The following DNAH14 variants were observed in gnomAD, a reference collection of about 807,000 sequenced individuals.
The protein encoded by DNAH14 is dynein axonemal heavy chain 14.
In DNAH14, 478 loss-of-function variants were observed where a neutral mutation model predicts 520.9. The ratio of observed to expected loss-of-function variants is 0.92; its 90% CI spans 0.85 to 0.99. The LOEUF is 0.99. Ranked by LOEUF, DNAH14 falls within the 50% of genes least tolerant of loss-of-function variation. The pLI is 0.00. For missense variants in DNAH14, 4,831 were observed against 5,234.5 expected (o/e 0.92, Z 2.38); for synonymous variants, 1,581 against 1,757.2 (o/e 0.90, Z 2.51).
chr1:225,111,515 G>A (rs991974557), intron 23 of DNAH14, among the ~76,000 whole-genome samples: 4 of 151,746 alleles, frequency 2.6e-5, no homozygotes, highest in African/African-American at 7.3e-5. Flanking sequence ...TTCAGTCTAT[G>A]TGTGCCTTTA....
intron 27 of DNAH14, among the ~76,000 whole-genome samples, chr1:225,127,479 C>T (rs1201391180): frequency 4.6e-5 from 7 of 151,576 alleles, no homozygotes; most frequent in Non-Finnish European, 8.8e-5. Context: ...TCTTTGTCTC[C>T]TTTGATCTTT....
chr1:225,184,675 G>A (rs543979897), intron 36 of DNAH14, among the ~76,000 whole-genome samples: 2 of 151,224 alleles, frequency 1.3e-5, no homozygotes, highest in South Asian at 2.1e-4. Flanking sequence ...TGCAGAAAAA[G>A]CATTTTATAA....
Position 225,277,407 on chromosome 1 carries a change from T to C in DNAH14, c.8179-3T>C, listed in dbSNP as rs1200379501. On this transcript the variant is annotated splice_polypyrimidine_tract_variant and splice_region_variant and intron_variant, in intron 53 of 85. Coordinates refer to ENST00000682510, the MANE Select transcript of DNAH14 (RefSeq NM_001367479.1). ...CATTTATTTGTCACATTTGATCTGC[T>C]AGCTTTCTCATTCCATGGTGTTCTT... The C allele has an allele frequency of 1.1e-5, 5 of 468,448 alleles. No individual in the cohort carries two copies. The Admixed American group carries it at 1.2e-4, about 11-fold the overall frequency. 29.0% of individuals were successfully genotyped at this position (468,448 alleles called of 1,614,324 possible).
At position 225,300,955 on chromosome 1, in the gene DNAH14, A is replaced by G. The variant is rs1406039324; in HGVS notation, c.8556A>G (p.Ala2852=). The G allele has an allele frequency of 6.4e-7, 1 of 1,551,444 alleles. No homozygotes were observed. The highest frequency in any genetic ancestry group is 2.0e-5 in the Admixed American group (1 of 51,004). The change falls in exon 56 of 86, where the codon GCA becomes GCG. Residue 2852 remains alanine (A), a synonymous_variant. Transcript: ENST00000682510. The part of the protein sequence containing the change: ...LFENVELDSI[A]MKIRYLTEQS... ...AAAATGTTGAGCTGGATTCTATTGC[A>G]ATGAAAATCAGATATCTTACTGAAC...
chr1:225,248,348 T>C (rs2092396893), intron 43 of DNAH14, among the ~76,000 whole-genome samples: 1 of 152,146 alleles, frequency 6.6e-6, no homozygotes. Flanking sequence ...GATTATAAAG[T>C]AACTTTTTAT....
intron 51 of DNAH14, 111 bp downstream of exon 51, chr1:225,272,184 A>G: frequency 9.0e-7 from 1 of 1,106,246 alleles, no homozygotes. Flanking sequence ...AATGTTGGTT[A>G]GTTTTGCTAT....
At chr1:225,292,241 A>G (rs1001638524) in intron 55 of DNAH14, among the ~76,000 whole-genome samples, 4 of 152,078 alleles carry the variant, frequency 2.6e-5, no homozygotes, top group Admixed American at 6.6e-5. Flanking sequence ...CAGGTCTTAC[A>G]TTTAGCTCTT....
chr1:225,335,963 A>G (rs147361394), intron 66 of DNAH14, among the ~76,000 whole-genome samples: 35 of 144,134 alleles, frequency 2.4e-4, no homozygotes, highest in African/African-American at 7.8e-4. Flanking sequence ...ATACACATAT[A>G]CATATATGTA....
intron 11 of DNAH14, among the ~76,000 whole-genome samples, chr1:225,031,808 A>C (rs903068280): frequency 7.2e-5 from 11 of 152,026 alleles, no homozygotes; most frequent in African/African-American, 2.7e-4. Context: ...TATTGTTTTG[A>C]ATGGTCAATA....
At chr1:225,294,584 G>A (rs1416375572) in intron 55 of DNAH14, among the ~76,000 whole-genome samples, 1 of 152,106 alleles carries the variant, frequency 6.6e-6, no homozygotes, top group Admixed American at 6.6e-5. Flanking sequence ...ACTTTGGGAG[G>A]CCAAGGCAGG....
intron 11 of DNAH14, among the ~76,000 whole-genome samples, chr1:225,027,939 A>G (rs952605514): frequency 1.3e-5 from 2 of 152,122 alleles, no homozygotes; most frequent in Admixed American, 1.3e-4. Flanking sequence ...CATTACATAC[A>G]TACATTTTCA....
rs555229614 is a variant in DNAH14 at position 225,194,476 on chromosome 1, A to C, written c.5886+1565A>C. Reference sequence around the variant, plus strand: ...ACATGATGTTGGGATACCTGGCTAGATGTATGCAGAAGATTGAAACTGGAC... The same window carrying C: ...ACATGATGTTGGGATACCTGGCTAGCTGTATGCAGAAGATTGAAACTGGAC... On this transcript the variant is annotated intron_variant, in intron 38 of 85. Transcript: ENST00000682510. Among the ~76,000 whole-genome samples, 66 of 152,234 alleles carry C rather than the reference A, an allele frequency of 4.3e-4. 2 individuals are homozygous for C. Among genetic ancestry groups the C allele is most frequent in the Middle Eastern group, 6.8e-3 (2 of 294 alleles).
chr1:225,189,695 C>T (rs2085170694), intron 37 of DNAH14, among the ~76,000 whole-genome samples: 1 of 151,910 alleles, frequency 6.6e-6, no homozygotes, highest in Non-Finnish European at 1.5e-5. Context: ...GGTCTAAAGT[C>T]AGTCTCTTGT....
chr1:225,025,312 A>G (rs2066016322), intron 11 of DNAH14, among the ~76,000 whole-genome samples: 1 of 143,032 alleles, frequency 7.0e-6, no homozygotes, highest in Admixed American at 7.4e-5. Context: ...AGCCTGGTCA[A>G]CAGAGTGAGA....
Position 225,144,383 on chromosome 1 carries a change from A to T in DNAH14, c.4509-14A>T. On this transcript the variant is annotated splice_polypyrimidine_tract_variant and intron_variant, in intron 28 of 85. Transcript: ENST00000682510. Reference sequence around the variant, plus strand: ...TTAACCAAATAATATGAACATTTAAAATTTGGCTTTCAGACATTTGCAATA... The same window carrying T: ...TTAACCAAATAATATGAACATTTAATATTTGGCTTTCAGACATTTGCAATA... The T allele has an allele frequency of 6.6e-7, 1 of 1,521,440 alleles. No individual in the cohort carries two copies. The allele number at this position is 1,521,440 out of a possible 1,614,324, so 94.2% of individuals were successfully genotyped here.
At chr1:225,387,635 T>C (rs114898258) in intron 81 of DNAH14, among the ~76,000 whole-genome samples, 167 of 152,192 alleles carry the variant, frequency 1.1e-3, no homozygotes, top group African/African-American at 3.8e-3. Flanking sequence ...GGATGGAGTC[T>C]AGTCACAGAA....
chr1:225,144,478 G>A lies in DNAH14; in HGVS notation c.4590G>A (p.Glu1530=), dbSNP rs2079739886. The change falls in exon 29 of 86, where the codon GAG becomes GAA. Residue 1530 remains glutamate (E), a synonymous_variant. Transcript: ENST00000682510. ...QGNASFTYGY[E]YLGCTSRLVI... ...ATGCCAGCTTTACTTATGGCTATGA[G>A]TACTTGGGCTGTACCTCAAGATTGG... is the stretch of plus-strand genomic sequence containing the variant. 6.4e-7 allele frequency: 1 copy of A among 1,551,570 alleles called. No homozygotes were observed. The highest frequency in any genetic ancestry group is 8.7e-7 in the Non-Finnish European group (1 of 1,146,984).
At chr1:224,972,673 G>T (rs1469170074) in intron 7 of DNAH14, among the ~76,000 whole-genome samples, 1 of 152,074 alleles carries the variant, frequency 6.6e-6, no homozygotes, top group East Asian at 1.9e-4. Context: ...CGCTGTGTTA[G>T]CCAGGATGGT....
intron 17 of DNAH14, among the ~76,000 whole-genome samples, chr1:225,059,120 G>A (rs1350872991): frequency 2.0e-5 from 3 of 152,192 alleles, no homozygotes; most frequent in Non-Finnish European, 1.5e-5. Context: ...AATGTTGACA[G>A]TGGGGTGTTA....
Sources: allele counts gnomAD v4.1 joint callset (sites outside exome capture counted in the v4.1 genomes callset), GRCh38; gene constraint gnomAD v4.1.1; transcripts MANE v1.5; gene names NCBI Gene and HGNC (gene_info 2026-07-23, HGNC 2026-07-21).